NTSR1: variants seen among roughly 807,000 people sequenced by gnomAD.
NTSR1 encodes the protein neurotensin receptor type 1.
Under a neutral mutation model 31.2 loss-of-function variants are expected in NTSR1, and 29 were observed. That is an observed-to-expected ratio of 0.93 (90% confidence interval 0.69 to 1.27). The LOEUF (loss-of-function observed/expected upper bound fraction) is 1.27. Ranked by LOEUF, NTSR1 falls within the 50% of genes most tolerant of loss-of-function variation. The pLI, the probability that NTSR1 is intolerant of heterozygous loss-of-function variation, is 0.00. For missense variants in NTSR1, 697 were observed against 595.4 expected, an observed-to-expected ratio of 1.17 and a Z score of -1.78; for synonymous variants, 282 against 269.9, an observed-to-expected ratio of 1.04 and a Z score of -0.44.
rs112613610 is a variant in NTSR1, at chr20:62,709,631, C to G, written c.424C>G (p.Arg142Gly). The G allele has an allele frequency of 6.2e-7, 1 of 1,612,236 alleles. No homozygotes were observed. The highest frequency in any genetic ancestry group is 8.5e-7 in the Non-Finnish European group (1 of 1,179,912). ...HPWAFGDAGC[R>G]GYYFLRDACT... ...CTGGGCCTTCGGCGACGCCGGCTGC[C>G]GCGGCTACTACTTCCTGCGCGACGC... is the stretch of plus-strand genomic sequence containing the variant. Residue 142 changes from arginine (R) to glycine (G), a missense_variant, in exon 1 of 4, where the codon CGC becomes GGC. Arg to Gly is a moderately radical substitution (Grantham distance 125). Transcript: ENST00000370501.
Position 62,746,175 on chromosome 20 carries a change from G to C in NTSR1, c.715-8510G>C, listed in dbSNP as rs571607771. ...ACCACCAGGCCCCCACACTACCCCAGCCTGGCCGTCTGCTTCCTGTTCAGT... is the reference window on the plus strand; with the variant it reads ...ACCACCAGGCCCCCACACTACCCCACCCTGGCCGTCTGCTTCCTGTTCAGT... On this transcript the variant is annotated intron_variant, in intron 1 of 3. Coordinates refer to ENST00000370501, the MANE Select transcript of NTSR1 (RefSeq NM_002531.3). Among the ~76,000 whole-genome samples the C allele has an allele frequency of 2.0e-5, 3 of 152,296 alleles. No individual in the cohort carries two copies. In the South Asian group the frequency reaches 6.2e-4, roughly 32 times the overall value.
chr20:62,720,301 C>G (rs1276643427), intron 1 of NTSR1, among the ~76,000 whole-genome samples: 1 of 152,136 alleles, frequency 6.6e-6, no homozygotes, highest in African/African-American at 2.4e-5. Flanking sequence ...CTCCATCTCA[C>G]AAGACAAATT....
rs6122206 is a variant in NTSR1 at position 62,757,661 on chromosome 20, C to G, written c.917-605C>G. On this transcript the variant is annotated intron_variant, in intron 2 of 3. Transcript: ENST00000370501. Reference sequence around the variant, plus strand: ...TACTGACACCTTAACAATATTAAATCTTCCAATCCATGAACATGGGATGTC... The same window carrying G: ...TACTGACACCTTAACAATATTAAATGTTCCAATCCATGAACATGGGATGTC... 0.011 allele frequency among the ~76,000 whole-genome samples: 1,750 copies of G among 152,298 alleles called. 97 individuals are homozygous for G. In the East Asian group the frequency reaches 0.17, roughly 15 times the overall value.
At chr20:62,753,757 G>A (rs571564701) in intron 1 of NTSR1, among the ~76,000 whole-genome samples, 2 of 152,242 alleles carry the variant, frequency 1.3e-5, no homozygotes, top group Non-Finnish European at 2.9e-5. Flanking sequence ...GAGGGGTGCC[G>A]GTTTCTCCAT....
intron 1 of NTSR1, among the ~76,000 whole-genome samples, chr20:62,737,272 G>A (rs1225477797): frequency 6.6e-6 from 1 of 152,122 alleles, no homozygotes; most frequent in Non-Finnish European, 1.5e-5. Context: ...GGCTGTGTTG[G>A]CCACAGCGGC....
chr20:62,732,347 G>A lies in NTSR1; in HGVS notation c.715-22338G>A, dbSNP rs1447264576. Among the ~76,000 whole-genome samples, 3 of 152,214 alleles carry A rather than the reference G, an allele frequency of 2.0e-5. No homozygotes were observed. The highest frequency in any genetic ancestry group is 6.5e-5 in the Admixed American group (1 of 15,280). On this transcript the variant is annotated intron_variant, in intron 1 of 3. Coordinates refer to ENST00000370501, the MANE Select transcript of NTSR1 (RefSeq NM_002531.3). This position sits in a 1 kb window ranked among gnomAD's most constrained non-coding sequence, Gnocchi z 4.0. ...AGATGTTCTCTACCAAGCTGAGGGA[G>A]TTCCCTTGTATTCCTGGCTTGTGAA...
chr20:62,739,139 G>A (rs904801779), intron 1 of NTSR1, among the ~76,000 whole-genome samples: 2 of 152,216 alleles, frequency 1.3e-5, no homozygotes, highest in African/African-American at 2.4e-5. Context: ...TTGGGGACCC[G>A]TTGGGCTCTT....
rs1257053700 is a variant in NTSR1, at chr20:62,711,744, G to A, written c.714+1823G>A. The stretch of plus-strand genomic sequence containing the variant: ...CCCGGAAAGTGTCCTCCCCGCGTGC[G>A]TGGGCTCTCTGCCAGGTACTTGGGA... On this transcript the variant is annotated intron_variant, in intron 1 of 3. Coordinates refer to ENST00000370501, the MANE Select transcript of NTSR1 (RefSeq NM_002531.3). The surrounding 1 kb of genome is among the most constrained non-coding windows in gnomAD (Gnocchi z 6.4). Among the ~76,000 whole-genome samples the A allele has an allele frequency of 3.3e-5, 5 of 152,206 alleles. No individual in the cohort carries two copies. The highest frequency in any genetic ancestry group is 6.5e-5 in the Admixed American group (1 of 15,286).
Position 62,709,639 on chromosome 20 carries a change from C to CTACTT in NTSR1, c.433_437dup (p.Leu147ThrfsTer18), listed in dbSNP as rs761232883. 1 of 1,612,446 alleles carries CTACTT rather than the reference C, an allele frequency of 6.2e-7. No individual in the cohort carries two copies. The highest frequency in any genetic ancestry group is 8.5e-7 in the Non-Finnish European group (1 of 1,179,916). ...TCGGCGACGCCGGCTGCCGCGGCTA[C>CTACTT]TACTTCCTGCGCGACGCCTGCACCT... On this transcript the variant is annotated frameshift_variant, in exon 1 of 4. Transcript: ENST00000370501. LOFTEE classifies it high-confidence loss of function.
chr20:62,712,862 C>T (rs932444992), intron 1 of NTSR1, among the ~76,000 whole-genome samples: 1 of 152,200 alleles, frequency 6.6e-6, no homozygotes, highest in African/African-American at 2.4e-5. Flanking sequence ...GGCACACGAT[C>T]TGTGTGGCAG....
At chr20:62,727,790 C>T (rs568456319) in intron 1 of NTSR1, among the ~76,000 whole-genome samples, 2 of 152,386 alleles carry the variant, frequency 1.3e-5, no homozygotes, top group South Asian at 4.1e-4. Context: ...GCAGCGGCCA[C>T]CAGGGCCACA....
rs938915927 is a variant in NTSR1, at chr20:62,733,572, G to C, written c.715-21113G>C. Among the ~76,000 whole-genome samples, 1 of 152,148 alleles carries C rather than the reference G, an allele frequency of 6.6e-6. No individual in the cohort carries two copies. ...CAGGCCTGTCTCACCTAGCAATGCA[G>C]GGTGAGCCATGTGGGCTGGCTTCTG... is the stretch of plus-strand genomic sequence containing the variant. On this transcript the variant is annotated intron_variant, in intron 1 of 3. Transcript: ENST00000370501. The surrounding 1 kb of genome is among the most constrained non-coding windows in gnomAD (Gnocchi z 5.2).
intron 1 of NTSR1, among the ~76,000 whole-genome samples, chr20:62,734,084 C>G (rs1989045188): frequency 6.6e-6 from 1 of 152,132 alleles, no homozygotes; most frequent in African/African-American, 2.4e-5. Context: ...GGCAGGTTTG[C>G]CCGACCTCGA....
chr20:62,718,233 A>G (rs544610440), intron 1 of NTSR1, among the ~76,000 whole-genome samples: 2 of 152,284 alleles, frequency 1.3e-5, no homozygotes, highest in Admixed American at 1.3e-4. Flanking sequence ...CACGTGACTT[A>G]CACGTTAAAG....
chr20:62,744,479 C>T lies in NTSR1; in HGVS notation c.715-10206C>T, dbSNP rs540132540. Among the ~76,000 whole-genome samples, 5 of 151,168 alleles carry T rather than the reference C, an allele frequency of 3.3e-5. No individual in the cohort carries two copies. In the East Asian group the frequency reaches 7.8e-4, roughly 24 times the overall value. Reference sequence around the variant, plus strand: ...CTGAGGCAGGAGAATGGCGTGAACCCGGGAGGTGGAGCTTGCAATGAGCTG... The same window carrying T: ...CTGAGGCAGGAGAATGGCGTGAACCTGGGAGGTGGAGCTTGCAATGAGCTG... On this transcript the variant is annotated intron_variant, in intron 1 of 3. Transcript: ENST00000370501. The surrounding 1 kb of genome is among the most constrained non-coding windows in gnomAD (Gnocchi z 4.1).
rs112022900 is a variant in NTSR1, at chr20:62,762,507, G to A, written c.*2240G>A. 7,905 of 152,140 alleles carry A rather than the reference G, an allele frequency of 0.052. 236 individuals are homozygous for A. Among genetic ancestry groups the A allele is most frequent in the Middle Eastern group, 0.085 (25 of 294 alleles). The allele number at this position is 152,140 out of a possible 1,614,324, so 9.4% of individuals were successfully genotyped here. On this transcript the variant is annotated 3_prime_UTR_variant, in exon 4 of 4. Coordinates refer to ENST00000370501, the MANE Select transcript of NTSR1 (RefSeq NM_002531.3). ...CCTATCTGTGCACTTACCGTAGGTA[G>A]GGACACGTGTCCACGCACCACAGAC...
intron 1 of NTSR1, among the ~76,000 whole-genome samples, chr20:62,724,754 C>T (rs557120206): frequency 6.6e-6 from 1 of 152,286 alleles, no homozygotes; most frequent in East Asian, 1.9e-4. Context: ...AAATCAGGGT[C>T]CCAGGCCCAC....
Position 62,709,076 on chromosome 20 carries a change from G to T in NTSR1, c.-132G>T. 3 of 697,336 alleles carry T rather than the reference G, an allele frequency of 4.3e-6. No individual in the cohort carries two copies. In the East Asian group the frequency reaches 1.0e-4, roughly 24 times the overall value. The allele number at this position is 697,336 out of a possible 1,614,324, so 43.2% of individuals were successfully genotyped here. A position where few individuals can be genotyped will look rare whatever the true frequency, so the allele number is the denominator to read the frequency against. On this transcript the variant is annotated 5_prime_UTR_variant, in exon 1 of 4. Transcript: ENST00000370501. ...GTCTGGCGCTTCCCGACTGGACGGCGCGCCCGCTGGTCTTCGCCACGCGCC... is the reference window on the plus strand; with the variant it reads ...GTCTGGCGCTTCCCGACTGGACGGCTCGCCCGCTGGTCTTCGCCACGCGCC...
intron 1 of NTSR1, among the ~76,000 whole-genome samples, chr20:62,746,208 C>T (rs1989298597): frequency 6.6e-6 from 1 of 152,182 alleles, no homozygotes; most frequent in South Asian, 2.1e-4. Context: ...AGTTCTCACC[C>T]CCTGAGTTCT....
Sources: allele counts gnomAD v4.1 joint callset (sites outside exome capture counted in the v4.1 genomes callset), GRCh38; gene constraint gnomAD v4.1.1; non-coding constraint Gnocchi (gnomAD v3.1); transcripts MANE v1.5; gene names NCBI Gene and HGNC (gene_info 2026-07-23, HGNC 2026-07-21).